The following BAZ2B variants were observed in gnomAD, a reference collection of about 807,000 sequenced individuals.
BAZ2B encodes the protein bromodomain adjacent to zinc finger domain protein 2B.
A neutral mutation model predicts 246.0 loss-of-function variants in BAZ2B; 91 were observed. That is an observed-to-expected ratio of 0.37 (90% CI 0.31 to 0.44). The LOEUF (loss-of-function observed/expected upper bound fraction) is 0.44, where lower values mean the gene tolerates loss of function less well. BAZ2B is among the 20% of genes least tolerant of loss of function. The pLI is 1.00. For missense variants in BAZ2B, 2,332 were observed against 2,533.7 expected, an observed-to-expected ratio of 0.92 and a Z score of 1.71; for synonymous variants, 855 against 860.0, an observed-to-expected ratio of 0.99 and a Z score of 0.10.
downstream of BAZ2B, among the ~76,000 whole-genome samples, chr2:159,315,971 A>C (rs1401471170): frequency 6.6e-6 from 1 of 152,180 alleles, no homozygotes; most frequent in Non-Finnish European, 1.5e-5. Flanking sequence ...CTCAAAAGAA[A>C]CAGAAACAGA....
intron 3 of BAZ2B, chr2:159,463,142 G>A (rs1237213294): frequency 6.2e-6 from 4 of 644,650 alleles, no homozygotes; most frequent in African/African-American, 5.4e-5. Flanking sequence ...TTATTACATA[G>A]TAGCCGAATA....
At chr2:159,348,541 A>G (rs2058219470) in intron 30 of BAZ2B, 137 bp downstream of exon 30, 5 of 1,017,172 alleles carry the variant, frequency 4.9e-6, no homozygotes, top group Non-Finnish European at 6.8e-6. Flanking sequence ...TGACTGTTTG[A>G]TCTGCGATTG....
Position 159,430,998 on chromosome 2 carries a change from T to A in BAZ2B, c.2059A>T (p.Thr687Ser). 1 of 1,612,618 alleles carries A rather than the reference T, an allele frequency of 6.2e-7. No individual in the cohort carries two copies. The highest frequency in any genetic ancestry group is 8.5e-7 in the Non-Finnish European group (1 of 1,178,624). The change falls in exon 10 of 37, where the codon ACA becomes TCA. Residue 687 changes from threonine to serine, a missense_variant. Coordinates refer to ENST00000392783, the MANE Select transcript of BAZ2B (RefSeq NM_013450.4). ...AGGTTACGAGGTGTTGAGTGACCTG[T>A]GAGACTCATGGAAGGGCTTTTGACA... ...SSVKSPSMSL[T>S]GHSTPRNLHI...
intron 2 of BAZ2B, among the ~76,000 whole-genome samples, chr2:159,521,126 AAT>A (rs1194943781): frequency 3.9e-5 from 6 of 152,128 alleles, no homozygotes; most frequent in South Asian, 2.1e-4. Flanking sequence ...AATATTTAAA[AAT>A]ATGTTAGAAA....
rs757748408 is a variant in BAZ2B at position 159,438,634 on chromosome 2, T to C, written c.962A>G (p.Gln321Arg). Residue 321 changes from glutamine (Q) to arginine (R), a missense_variant, in exon 8 of 37, where the codon CAG becomes CGG. Gln to Arg is a conservative substitution (Grantham distance 43, BLOSUM62 1). Coordinates refer to ENST00000392783, the MANE Select transcript of BAZ2B (RefSeq NM_013450.4). The stretch of plus-strand genomic sequence containing the variant: ...TAATGGCTGGTGTATTCTTTTTTCC[T>C]GGGCTTTTTCAGTTGCTTTCTGTCC... The part of the protein sequence containing the change: ...ADGQKATEKA[Q>R]EKRIHQPLPL... 122 of 1,613,660 alleles carry C rather than the reference T, an allele frequency of 7.6e-5. No individual in the cohort carries two copies. Among genetic ancestry groups the C allele is most frequent in the Non-Finnish European group, 9.9e-5 (117 of 1,179,952 alleles).
At chr2:159,355,008 CT>C (rs767353504) in intron 27 of BAZ2B, among the ~76,000 whole-genome samples, 1 of 152,182 alleles carries the variant, frequency 6.6e-6, no homozygotes, top group Non-Finnish European at 1.5e-5. Flanking sequence ...ACTCTGACCC[CT>C]GTTAGTTCAC....
At chr2:159,452,450 A>G (rs2075218254) in intron 4 of BAZ2B, among the ~76,000 whole-genome samples, 1 of 152,214 alleles carries the variant, frequency 6.6e-6, no homozygotes, top group Admixed American at 6.5e-5. Flanking sequence ...TTCAGATGAG[A>G]AAACTGAGGC....
chr2:159,544,698 A>G (rs2087090157), intron 2 of BAZ2B, among the ~76,000 whole-genome samples: 2 of 152,224 alleles, frequency 1.3e-5, no homozygotes, highest in Admixed American at 1.3e-4. Context: ...CACATTTATC[A>G]CTAAAGACTA....
chr2:159,639,120 C>G, the BAZ2B span, among the ~76,000 whole-genome samples: 3 of 152,018 alleles, frequency 2.0e-5, no homozygotes, highest in Admixed American at 1.3e-4. Flanking sequence ...GGAAAACACA[C>G]ACACACACAC....
At chr2:159,567,887 G>A (rs1049494272) in intron 1 of BAZ2B, among the ~76,000 whole-genome samples, 5 of 152,138 alleles carry the variant, frequency 3.3e-5, no homozygotes, top group African/African-American at 9.7e-5. Flanking sequence ...CAGGAGAATC[G>A]CTTGAACCTG....
chr2:159,531,560 A>C (rs2085382758), intron 2 of BAZ2B, among the ~76,000 whole-genome samples: 1 of 152,250 alleles, frequency 6.6e-6, no homozygotes. Flanking sequence ...ACAATTTATT[A>C]GACCATGGAA....
chr2:159,603,479 A>G (rs2151773465), intron 1 of BAZ2B, among the ~76,000 whole-genome samples: 1 of 152,286 alleles, frequency 6.6e-6, no homozygotes, highest in Non-Finnish European at 1.5e-5. Flanking sequence ...CTCTAGTTAC[A>G]ATGAAAGAGT....
chr2:159,623,148 AAAG>A, the BAZ2B span, among the ~76,000 whole-genome samples: 1 of 150,844 alleles, frequency 6.6e-6, no homozygotes, highest in Non-Finnish European at 1.5e-5. Context: ...AGATAAAAGG[AAAG>A]AAGGAGGGAG....
At chr2:159,552,632 A>C (rs190617346) in intron 2 of BAZ2B, among the ~76,000 whole-genome samples, 28 of 152,280 alleles carry the variant, frequency 1.8e-4, no homozygotes, top group African/African-American at 6.7e-4. Flanking sequence ...GCTCTTTTCT[A>C]TCCACCCTGC....
intron 2 of BAZ2B, among the ~76,000 whole-genome samples, chr2:159,498,684 C>T (rs1435344818): frequency 1.3e-5 from 2 of 152,192 alleles, no homozygotes; most frequent in East Asian, 3.9e-4. Flanking sequence ...TCCAAATATA[C>T]ACAAAAAGTT....
intron 1 of BAZ2B, among the ~76,000 whole-genome samples, chr2:159,589,902 C>T (rs1206214139): frequency 5.9e-5 from 9 of 152,006 alleles, no homozygotes. Flanking sequence ...GGATACCCAG[C>T]AAGGCCGGGC....
At chr2:159,351,036 AC>A (rs1192825080) in intron 27 of BAZ2B, among the ~76,000 whole-genome samples, 2 of 152,160 alleles carry the variant, frequency 1.3e-5, no homozygotes, top group Non-Finnish European at 2.9e-5. Flanking sequence ...GTGCACATGT[AC>A]CCTAAAACTT....
At chr2:159,577,533 A>G (rs1685643134) in intron 1 of BAZ2B, among the ~76,000 whole-genome samples, 1 of 152,234 alleles carries the variant, frequency 6.6e-6, no homozygotes, top group Non-Finnish European at 1.5e-5. Context: ...AGAGGATACC[A>G]GTTCTTGGTC....
intron 2 of BAZ2B, among the ~76,000 whole-genome samples, chr2:159,522,893 A>G (rs2084296274): frequency 6.6e-6 from 1 of 152,148 alleles, no homozygotes; most frequent in Admixed American, 6.5e-5. Flanking sequence ...ACATGGTGAT[A>G]GGGTTTGGAA....
Sources: allele counts gnomAD v4.1 joint callset (sites outside exome capture counted in the v4.1 genomes callset), GRCh38; gene constraint gnomAD v4.1.1; transcripts MANE v1.5; gene names NCBI Gene and HGNC (gene_info 2026-07-23, HGNC 2026-07-21).